Variants in DNAH6 observed in about 807,000 individuals in gnomAD.
DNAH6 encodes axonemal beta dynein heavy chain 6.
Under a neutral mutation model 491.4 loss-of-function variants are expected in DNAH6, and 340 were observed. The observed-to-expected ratio is 0.69, with a 90% CI of 0.63 to 0.76. The LOEUF (loss-of-function observed/expected upper bound fraction) is 0.76, where lower values mean the gene tolerates loss of function less well. Ranked by LOEUF, DNAH6 falls within the 30% of genes least tolerant of loss-of-function variation. DNAH6 has a pLI of 0.00. For synonymous variants in DNAH6, 1,603 were observed against 1,686.1 expected (o/e 0.95, Z 1.21); for missense variants, 4,443 against 4,972.2 (o/e 0.89, Z 3.20).
the DNAH6 span, among the ~76,000 whole-genome samples, chr2:84,504,113 C>G: frequency 6.6e-6 from 1 of 152,210 alleles, no homozygotes; most frequent in South Asian, 2.1e-4. Flanking sequence ...TTTGTCTCCT[C>G]TGACCGTGTA....
upstream of DNAH6, among the ~76,000 whole-genome samples, chr2:84,512,496 C>A (rs908561281): frequency 1.3e-5 from 2 of 152,138 alleles, no homozygotes; most frequent in Non-Finnish European, 2.9e-5. Flanking sequence ...TTATTAGGCC[C>A]CACCTCTCAA....
chr2:84,459,627 G>T, the DNAH6 span: 2 of 258,628 alleles, frequency 7.7e-6, no homozygotes, highest in South Asian at 4.8e-5. Context: ...CAGTGAGACC[G>T]GGGAGACAAG....
intron 70 of DNAH6, among the ~76,000 whole-genome samples, chr2:84,803,789 A>C (rs1383881523): frequency 6.6e-6 from 1 of 152,214 alleles, no homozygotes; most frequent in Non-Finnish European, 1.5e-5. Context: ...ATAAATTGAT[A>C]CAATGTTTTT....
At chr2:84,694,508 G>A (rs1695194960) in intron 46 of DNAH6, 28 bp downstream of exon 46, 2 of 1,498,502 alleles carry the variant, frequency 1.3e-6, no homozygotes, top group East Asian at 2.5e-5. Context: ...CCATGGGTGA[G>A]AACAGGAAAT....
At position 84,534,373 on chromosome 2, in the gene DNAH6, G is replaced by A. The variant is rs935983983; in HGVS notation, c.662+5207G>A. Among the ~76,000 whole-genome samples the A allele has an allele frequency of 3.9e-5, 6 of 151,998 alleles. No homozygotes were observed. The South Asian group carries it at 6.2e-4, about 16-fold the overall frequency. ...CTTCCTGAATTCAGAAAATATTTCC[G>A]TGGGTAAGACTGTGTAGTCCCCGCT... On this transcript the variant is annotated intron_variant, in intron 4 of 76. Coordinates refer to ENST00000389394, the MANE Select transcript of DNAH6 (RefSeq NM_001370.2).
chr2:84,817,355 C>A (rs889926291), intron 76 of DNAH6, among the ~76,000 whole-genome samples: 2 of 152,190 alleles, frequency 1.3e-5, no homozygotes, highest in African/African-American at 4.8e-5. Context: ...AGGGAAAATA[C>A]CTTTGAACCA....
chr2:84,773,504 T>C (rs1267687917), intron 64 of DNAH6, among the ~76,000 whole-genome samples: 2 of 152,062 alleles, frequency 1.3e-5, no homozygotes, highest in Non-Finnish European at 2.9e-5. Flanking sequence ...TTTGCTATTG[T>C]GAATCTTTGC....
At chr2:84,643,804 A>T (rs1244810255) in intron 33 of DNAH6, among the ~76,000 whole-genome samples, 2 of 152,060 alleles carry the variant, frequency 1.3e-5, no homozygotes, top group Non-Finnish European at 2.9e-5. Context: ...AAAGCCTTTC[A>T]CATATTAATC....
chr2:84,584,115 C>G lies in DNAH6; in HGVS notation c.2346C>G (p.Ser782=), dbSNP rs1683306124. Residue 782 remains serine, a synonymous_variant, in exon 15 of 77, where the codon TCC becomes TCG. Coordinates refer to ENST00000389394, the MANE Select transcript of DNAH6 (RefSeq NM_001370.2). The part of the protein sequence containing the change: ...DFAVFATMKP[S]IVAVRNAIDK... Reference sequence around the variant, plus strand: ...CTGTTTTTGCAACTATGAAGCCATCCATTGTTGCTGTTCGGAATGCCATTG... The same window carrying G: ...CTGTTTTTGCAACTATGAAGCCATCGATTGTTGCTGTTCGGAATGCCATTG... 3.7e-6 allele frequency: 6 copies of G among 1,614,016 alleles called. No homozygotes were observed. The highest frequency in any genetic ancestry group is 5.1e-6 in the Non-Finnish European group (6 of 1,180,030).
At position 84,815,988 on chromosome 2, in the gene DNAH6, A is replaced by C. The variant is rs1382882832; in HGVS notation, c.12278A>C (p.His4093Pro). ...ATGAATCCAGTGCTGCCTGTGGTGC[A>C]TTTTGAACCACAACAAAACTATAAG... ...GQMNPVLPVV[H>P]FEPQQNYKPS... Residue 4093 changes from histidine (H) to proline (P), a missense_variant, in exon 76 of 77, where the codon CAT becomes CCT. Transcript: ENST00000389394. The C allele has an allele frequency of 6.4e-7, 1 of 1,551,914 alleles. No individual in the cohort carries two copies.
At chr2:84,695,857 G>T (rs1695331985) in intron 46 of DNAH6, among the ~76,000 whole-genome samples, 1 of 151,976 alleles carries the variant, frequency 6.6e-6, no homozygotes, top group African/African-American at 2.4e-5. Context: ...AAGTATTAAA[G>T]CTCCAAAGAT....
At chr2:84,564,144 T>C (rs1245405151) in intron 11 of DNAH6, among the ~76,000 whole-genome samples, 2 of 152,186 alleles carry the variant, frequency 1.3e-5, no homozygotes, top group African/African-American at 2.4e-5. Context: ...GCCTTTACCT[T>C]TGTTGTTTTT....
intron 70 of DNAH6, among the ~76,000 whole-genome samples, chr2:84,803,404 C>G (rs1243571727): frequency 6.6e-6 from 1 of 152,076 alleles, no homozygotes; most frequent in Non-Finnish European, 1.5e-5. Context: ...CAGCACCATG[C>G]AATATATCCG....
At chr2:84,550,688 T>TC (rs1679252992) in intron 9 of DNAH6, among the ~76,000 whole-genome samples, 1 of 152,154 alleles carries the variant, frequency 6.6e-6, no homozygotes, top group Non-Finnish European at 1.5e-5. Context: ...GTGTGCCAGT[T>TC]CCTGTGCTGG....
At chr2:84,802,762 T>C (rs1040848761) in intron 70 of DNAH6, among the ~76,000 whole-genome samples, 14 of 152,164 alleles carry the variant, frequency 9.2e-5, no homozygotes, top group African/African-American at 2.9e-4. Flanking sequence ...ATATACAGTC[T>C]TCTCATCTGC....
At chr2:84,596,392 C>T (rs1007126402) in intron 18 of DNAH6, among the ~76,000 whole-genome samples, 5 of 152,028 alleles carry the variant, frequency 3.3e-5, no homozygotes, top group Non-Finnish European at 5.9e-5. Flanking sequence ...GGCACGATCT[C>T]GGCTCACTGC....
At chr2:84,529,911 G>T (rs1347112487) in intron 4 of DNAH6, among the ~76,000 whole-genome samples, 1 of 152,164 alleles carries the variant, frequency 6.6e-6, no homozygotes, top group Non-Finnish European at 1.5e-5. Context: ...GACACTGAGG[G>T]CAGCTCTCCT....
At position 84,688,568 on chromosome 2, in the gene DNAH6, C is replaced by T. The variant is rs575729787; in HGVS notation, c.7267C>T (p.Gln2423Ter). The change falls in exon 45 of 77, where the codon CAG becomes TAG. Residue 2423 changes from glutamine to a stop codon, truncating the protein, a stop_gained. Transcript: ENST00000389394. LOFTEE classifies it high-confidence loss of function. ...NPKEVKLVFF[Q>*]DAIEHVSRIA... ...CAAAGAAGTAAAGTTGGTGTTCTTC[C>T]AGGATGCTATAGAACATGTTTCAAG... The T allele has an allele frequency of 6.5e-7, 1 of 1,543,474 alleles. No homozygotes were observed. Among genetic ancestry groups the T allele is most frequent in the Non-Finnish European group, 8.7e-7 (1 of 1,145,260 alleles).
At chr2:84,553,968 C>T (rs1679773776) in intron 10 of DNAH6, among the ~76,000 whole-genome samples, 1 of 152,156 alleles carries the variant, frequency 6.6e-6, no homozygotes, top group African/African-American at 2.4e-5. Context: ...CTTGGTCTCC[C>T]TCAGGCTGCT....
Sources: allele counts gnomAD v4.1 joint callset (sites outside exome capture counted in the v4.1 genomes callset), GRCh38; gene constraint gnomAD v4.1.1; transcripts MANE v1.5; gene names NCBI Gene and HGNC (gene_info 2026-07-23, HGNC 2026-07-21).